The following ADGB variants were observed in gnomAD, a reference collection of about 807,000 sequenced individuals.
The protein encoded by ADGB is calpain-7-like protein.
In ADGB, 172 loss-of-function variants were observed where a neutral mutation model predicts 210.5. The ratio of observed to expected loss-of-function variants is 0.82; its 90% CI spans 0.72 to 0.93. ADGB has a LOEUF of 0.93. Among genes scored for constraint, ADGB ranks in the 40% least tolerant of loss-of-function variants. The probability of loss-of-function intolerance (pLI) is 0.00; values close to 1 mark genes in which losing one functional copy is unlikely to be tolerated. For missense variants in ADGB, 2,025 were observed against 1,964.8 expected (o/e 1.03, Z -0.58); for synonymous variants, 658 against 662.7 (o/e 0.99, Z 0.11).
chr6:146,612,252 T>C (rs530830109), intron 1 of ADGB, among the ~76,000 whole-genome samples: 1 of 152,224 alleles, frequency 6.6e-6, no homozygotes, highest in East Asian at 1.9e-4. Context: ...ACAATTATTC[T>C]TTATTTAAGA....
At chr6:146,733,361 T>TCAATTCCTCCTTGGAA in intron 21 of ADGB, 106 bp downstream of exon 21, 1 of 1,175,948 alleles carries the variant, frequency 8.5e-7, no homozygotes, top group Non-Finnish European at 1.1e-6. Context: ...CTGTGTGGAC[T>TCAATTCCTCCTTGGAA]GTCATGGAGT....
chr6:146,652,966 G>A (rs1775724045), intron 3 of ADGB, among the ~76,000 whole-genome samples: 1 of 152,094 alleles, frequency 6.6e-6, no homozygotes. Context: ...CACACAGCAG[G>A]AGGTGAGCAG....
At position 146,666,842 on chromosome 6, in the gene ADGB, T is replaced by C; in HGVS notation, c.779T>C (p.Leu260Pro). ...IDIHVADRRE[L>P]GEFTVIHALT... ...ATCCATGTAGCAGACAGGAGAGAGC[T>C]GGGGGAGTTCACGGTTATTCATGCG... Residue 260 changes from leucine to proline, a missense_variant, in exon 7 of 36, where the codon CTG (leucine) becomes CCG (proline). Coordinates refer to ENST00000397944, the MANE Select transcript of ADGB (RefSeq NM_024694.4). The C allele has an allele frequency of 6.5e-7, 1 of 1,549,006 alleles. No individual in the cohort carries two copies. Among genetic ancestry groups the C allele is most frequent in the Admixed American group, 2.0e-5 (1 of 50,912 alleles).
chr6:146,611,863 G>T (rs554587657), intron 1 of ADGB, among the ~76,000 whole-genome samples: 28 of 152,048 alleles, frequency 1.8e-4, no homozygotes, highest in African/African-American at 6.5e-4. Context: ...TTTTTTTATG[G>T]ATTTTGGTTA....
At position 146,721,430 on chromosome 6, in the gene ADGB, C is replaced by T. The variant is rs912208005; in HGVS notation, c.2020C>T (p.Leu674=). 4 of 1,550,736 alleles carry T rather than the reference C, an allele frequency of 2.6e-6. No homozygotes were observed. The African/African-American group carries it at 5.5e-5, about 21-fold the overall frequency. The change falls in exon 17 of 36, where the codon CTA becomes TTA. Residue 674 remains leucine (L), a synonymous_variant. Transcript: ENST00000397944. ...KFSEERVSYY[L]FVDSLKPIEL... ...CTCAGAAGAACGAGTGTCCTACTAT[C>T]TATTTGTAGATAGTCTAAAACCTAT...
At chr6:146,788,067 T>A (rs1002941764) in intron 32 of ADGB, among the ~76,000 whole-genome samples, 2 of 152,198 alleles carry the variant, frequency 1.3e-5, no homozygotes, top group African/African-American at 4.8e-5. Context: ...AGCATAGGGC[T>A]AGTTGTACTT....
Position 146,671,998 on chromosome 6 carries a change from T to C in ADGB, c.840-222T>C, listed in dbSNP as rs150603919. ...AGTGATCTCTGAGATAACACCATGGTTTTGGTCGCTTTGTATCAGCAAAGC... is the reference window on the plus strand; with the variant it reads ...AGTGATCTCTGAGATAACACCATGGCTTTGGTCGCTTTGTATCAGCAAAGC... On this transcript the variant is annotated intron_variant, in intron 7 of 35. Transcript: ENST00000397944. Among the ~76,000 whole-genome samples, 56 of 152,254 alleles carry C rather than the reference T, an allele frequency of 3.7e-4. No individual in the cohort carries two copies. In the East Asian group the frequency reaches 7.3e-3, roughly 20 times the overall value.
chr6:146,662,028 G>A (rs901291948), intron 5 of ADGB, among the ~76,000 whole-genome samples: 2 of 151,954 alleles, frequency 1.3e-5, no homozygotes, highest in Admixed American at 1.3e-4. Flanking sequence ...CCTCTAACAG[G>A]TCTTTTCTTG....
At chr6:146,788,695 G>A in intron 33 of ADGB, 85 bp downstream of exon 33, 1 of 1,199,820 alleles carries the variant, frequency 8.3e-7, no homozygotes, top group Non-Finnish European at 1.2e-6. Flanking sequence ...ATCAGTGACG[G>A]CTAGGGCTAT....
chr6:146,632,384 G>T (rs137942242), intron 1 of ADGB, among the ~76,000 whole-genome samples: 1 of 152,046 alleles, frequency 6.6e-6, no homozygotes, highest in Non-Finnish European at 1.5e-5. Context: ...GAGCACTCTT[G>T]GAGTTACTCT....
intron 20 of ADGB, 24 bp from the exon 21 acceptor site, chr6:146,733,096 A>T (rs753773665): frequency 1.4e-6 from 2 of 1,425,904 alleles, no homozygotes; most frequent in Admixed American, 2.8e-5. Context: ...TTTTCTTGCT[A>T]TAAAAAAAAT....
Sources: allele counts gnomAD v4.1 joint callset (sites outside exome capture counted in the v4.1 genomes callset), GRCh38; gene constraint gnomAD v4.1.1; transcripts MANE v1.5; gene names NCBI Gene and HGNC (gene_info 2026-07-23, HGNC 2026-07-21).